The following PREX2 variants were observed in gnomAD, a reference collection of about 807,000 sequenced individuals.
PREX2 encodes phosphatidylinositol 3,4,5-trisphosphate-dependent Rac exchanger 2 protein.
PREX2 carries 107 observed loss-of-function variants against 203.2 expected under a neutral mutation model. The observed-to-expected ratio is 0.53, with a 90% confidence interval of 0.45 to 0.62. The LOEUF is 0.62. Among genes scored for constraint, PREX2 ranks in the 20% least tolerant of loss-of-function variants. The probability of loss-of-function intolerance (pLI) is 0.00; values close to 1 mark genes in which losing one functional copy is unlikely to be tolerated. For synonymous variants in PREX2, 672 were observed against 663.6 expected, an observed-to-expected ratio of 1.01 and a Z score of -0.19; for missense variants, 1,777 against 1,955.9, an observed-to-expected ratio of 0.91 and a Z score of 1.72.
At position 68,097,010 on chromosome 8, in the gene PREX2, G is replaced by T. The variant is rs371185884; in HGVS notation, c.2369-7G>T. ...AATTTACTGAGTTACAGTTGTCTTT[G>T]TTCCAGAGGTTATTGACAAATTCAA... On this transcript the variant is annotated splice_region_variant and splice_polypyrimidine_tract_variant and intron_variant, in intron 21 of 39. Coordinates refer to ENST00000288368, the MANE Select transcript of PREX2 (RefSeq NM_024870.4). The T allele has an allele frequency of 1.5e-4, 242 of 1,610,864 alleles. No homozygotes were observed. The highest frequency in any genetic ancestry group is 1.9e-4 in the Non-Finnish European group (227 of 1,177,596).
chr8:68,194,769 C>G lies in PREX2; in HGVS notation c.4604+2244C>G, dbSNP rs549859819. Among the ~76,000 whole-genome samples the G allele has an allele frequency of 2.0e-5, 3 of 150,408 alleles. No homozygotes were observed. The South Asian group carries it at 6.4e-4, about 32-fold the overall frequency. ...TGAGCGGAGATCATGTCACTGCACT[C>G]CAGCCTGGGCAACAGAGCGAGACTG... On this transcript the variant is annotated intron_variant, in intron 37 of 39. Coordinates refer to ENST00000288368, the MANE Select transcript of PREX2 (RefSeq NM_024870.4).
intron 1 of PREX2, 111 bp downstream of exon 1, chr8:67,952,646 T>TCCC: frequency 6.9e-7 from 1 of 1,446,156 alleles, no homozygotes; most frequent in Non-Finnish European, 9.5e-7. Flanking sequence ...CCGGGACGGG[T>TCCC]CGGGGCATCA....
intron 33 of PREX2, among the ~76,000 whole-genome samples, chr8:68,143,279 T>C: frequency 6.6e-6 from 1 of 152,212 alleles, no homozygotes; most frequent in African/African-American, 2.4e-5. Flanking sequence ...TGGTACTGTC[T>C]TCATGATAAT....
intron 11 of PREX2, among the ~76,000 whole-genome samples, 190 bp downstream of exon 11, chr8:68,060,969 C>T (rs750537740): frequency 6.6e-6 from 1 of 151,976 alleles, no homozygotes; most frequent in Admixed American, 6.5e-5. Context: ...TATTTGTTAA[C>T]CTTAAAATGA....
intron 23 of PREX2, chr8:68,105,679 GATTATAT>G (rs1563548296): frequency 1.1e-5 from 2 of 186,630 alleles, no homozygotes; most frequent in South Asian, 2.7e-4. Context: ...TATATATATG[GATTATAT>G]ATATATATAT....
chr8:68,023,112 G>A (rs1807617813), intron 4 of PREX2, among the ~76,000 whole-genome samples: 2 of 152,094 alleles, frequency 1.3e-5, no homozygotes, highest in South Asian at 4.1e-4. Flanking sequence ...GTCTTTGAAT[G>A]GACCTAATGT....
chr8:68,077,363 C>T (rs1194760690), intron 14 of PREX2, 34 bp from the exon 15 acceptor site: 1 of 1,527,190 alleles, frequency 6.5e-7, no homozygotes, highest in East Asian at 2.3e-5. Context: ...CTTTAGTTGC[C>T]TATTAACTCC....
At chr8:68,184,786 A>G in intron 35 of PREX2, among the ~76,000 whole-genome samples, 1 of 152,176 alleles carries the variant, frequency 6.6e-6, no homozygotes, top group East Asian at 1.9e-4. Context: ...GAAGAATGCC[A>G]TTTTTGTCAC....
intron 35 of PREX2, among the ~76,000 whole-genome samples, chr8:68,161,556 C>T (rs920212799): frequency 6.6e-6 from 1 of 152,122 alleles, no homozygotes; most frequent in African/African-American, 2.4e-5. Flanking sequence ...TGATCACACA[C>T]AAAATTTCTT....
At chr8:67,999,144 T>C (rs1806856459) in intron 1 of PREX2, among the ~76,000 whole-genome samples, 2 of 151,898 alleles carry the variant, frequency 1.3e-5, no homozygotes, top group Non-Finnish European at 2.9e-5. Context: ...CTGAAGGAGA[T>C]TGAGATACAA....
intron 25 of PREX2, among the ~76,000 whole-genome samples, chr8:68,114,595 A>T (rs548174524): frequency 6.6e-6 from 1 of 152,318 alleles, no homozygotes; most frequent in African/African-American, 2.4e-5. Flanking sequence ...AGAGTGTTGG[A>T]GTCAGCAGCT....
chr8:67,958,947 A>G (rs57295317), intron 1 of PREX2, among the ~76,000 whole-genome samples: 32 of 152,358 alleles, frequency 2.1e-4, no homozygotes, highest in African/African-American at 7.7e-4. Context: ...GAAGATAAGA[A>G]TGTGGAACTT....
intron 11 of PREX2, among the ~76,000 whole-genome samples, chr8:68,068,801 T>A (rs1164705325): frequency 6.6e-6 from 1 of 151,460 alleles, no homozygotes; most frequent in Non-Finnish European, 1.5e-5. Context: ...GTTGCAAACG[T>A]CAGTTTATTT....
At chr8:68,167,330 CTT>C (rs58354162) in intron 35 of PREX2, among the ~76,000 whole-genome samples, 298 of 138,582 alleles carry the variant, frequency 2.2e-3, no homozygotes, top group African/African-American at 4.5e-3. Flanking sequence ...GTGTTCTCTT[CTT>C]TTTTTTTTTT....
At chr8:68,040,409 C>T (rs1331517184) in intron 7 of PREX2, among the ~76,000 whole-genome samples, 1 of 152,116 alleles carries the variant, frequency 6.6e-6, no homozygotes, top group African/African-American at 2.4e-5. Flanking sequence ...CACATCATCA[C>T]ATCCCATTTC....
At chr8:68,179,074 G>A (rs1169540201) in intron 35 of PREX2, among the ~76,000 whole-genome samples, 1 of 151,994 alleles carries the variant, frequency 6.6e-6, no homozygotes, top group Non-Finnish European at 1.5e-5. Context: ...TTGTGATGTG[G>A]CCCTACTGTG....
At chr8:68,064,416 A>T (rs959659108) in intron 11 of PREX2, among the ~76,000 whole-genome samples, 2 of 152,040 alleles carry the variant, frequency 1.3e-5, no homozygotes, top group African/African-American at 4.8e-5. Context: ...GGGCTAGAGT[A>T]CCCAGCCAGT....
In PREX2 at chr8:68,108,303, T is replaced by A. The variant is rs749711470; in HGVS notation, c.2910T>A (p.His970Gln). 3.1e-6 allele frequency: 5 copies of A among 1,613,638 alleles called. No homozygotes were observed. In the East Asian group the frequency reaches 1.1e-4, roughly 36 times the overall value. ...TGGATAGCAGGAAGCATAATTCTCA[T>A]GATAAAGAAAACAAATCTTCGGAGC... ...VQLDSRKHNS[H>Q]DKENKSSEQG... The change falls in exon 24 of 40, where the codon CAT (histidine) becomes CAA (glutamine). Residue 970 changes from histidine (H) to glutamine (Q), a missense_variant. By Grantham distance (24) the His-to-Gln change is conservative. Coordinates refer to ENST00000288368, the MANE Select transcript of PREX2 (RefSeq NM_024870.4).
chr8:68,092,108 T>C (rs1377456996), intron 20 of PREX2, among the ~76,000 whole-genome samples: 1 of 152,186 alleles, frequency 6.6e-6, no homozygotes, highest in Non-Finnish European at 1.5e-5. Context: ...AGAGCACCTT[T>C]GCATGGCCTC....
Sources: allele counts gnomAD v4.1 joint callset (sites outside exome capture counted in the v4.1 genomes callset), GRCh38; gene constraint gnomAD v4.1.1; transcripts MANE v1.5; gene names NCBI Gene and HGNC (gene_info 2026-07-23, HGNC 2026-07-21).